Variants in IKZF1 observed in about 807,000 individuals in gnomAD.
IKZF1 encodes the protein DNA-binding protein Ikaros.
IKZF1 carries 10 observed loss-of-function variants against 51.7 expected under a neutral mutation model. That is an observed-to-expected ratio of 0.19 (90% CI 0.12 to 0.33). The LOEUF is 0.33. Ranked by LOEUF, IKZF1 falls within the 10% of genes least tolerant of loss-of-function variation. The probability of loss-of-function intolerance (pLI) is 1.00; values close to 1 mark genes in which losing one functional copy is unlikely to be tolerated. For synonymous variants in IKZF1, 280 were observed against 282.3 expected, an observed-to-expected ratio of 0.99 and a Z score of 0.08; for missense variants, 484 against 707.5, an observed-to-expected ratio of 0.68 and a Z score of 3.58.
intron 6 of IKZF1, among the ~76,000 whole-genome samples, chr7:50,389,885 G>A (rs1159086262): frequency 2.0e-5 from 3 of 152,160 alleles, no homozygotes; most frequent in Non-Finnish European, 4.4e-5. Flanking sequence ...CCTTGTCTGT[G>A]CTCAGATGGA....
Position 50,385,798 on chromosome 7 carries a change from A to AT in IKZF1, c.590-1547_590-1546insT, listed in dbSNP as rs1422309241. Among the ~76,000 whole-genome samples, 11 of 152,344 alleles carry AT rather than the reference A, an allele frequency of 7.2e-5. No homozygotes were observed. In the East Asian group the frequency reaches 2.1e-3, roughly 29 times the overall value. ...AATTTCTAAAAGCAATGCTCAATAAAATGTGCAATTTTAGGCAATATTCTG... is the reference window on the plus strand; with the variant it reads ...AATTTCTAAAAGCAATGCTCAATAAATATGTGCAATTTTAGGCAATATTCTG... On this transcript the variant is annotated intron_variant, in intron 5 of 7. Coordinates refer to ENST00000331340, the MANE Select transcript of IKZF1 (RefSeq NM_006060.6).
In IKZF1 at chr7:50,401,647, C is replaced by A. The variant is rs1818146130; in HGVS notation, c.*1020C>A. 4.5e-6 allele frequency: 1 copy of A among 219,948 alleles called. No homozygotes were observed. The highest frequency in any genetic ancestry group is 1.9e-4 in the South Asian group (1 of 5,400). The allele number at this position is 219,948 out of a possible 1,614,324, so 13.6% of individuals were successfully genotyped here. A position where few individuals can be genotyped will look rare whatever the true frequency, so the allele number is the denominator to read the frequency against. On this transcript the variant is annotated 3_prime_UTR_variant, in exon 8 of 8. Coordinates refer to ENST00000331340, the MANE Select transcript of IKZF1 (RefSeq NM_006060.6). Reference sequence around the variant, plus strand: ...TTCCTGAAGAAATCCAATCCTAGCCCTCATTTTAATTATGTACATCTGTTT... The same window carrying A: ...TTCCTGAAGAAATCCAATCCTAGCCATCATTTTAATTATGTACATCTGTTT...
At chr7:50,355,839 G>A (rs185781305) in intron 3 of IKZF1, among the ~76,000 whole-genome samples, 17 of 152,288 alleles carry the variant, frequency 1.1e-4, no homozygotes, top group Admixed American at 1.0e-3. Flanking sequence ...TGTGAACTCC[G>A]AGGCCACAGT....
chr7:50,399,983 A>G lies in IKZF1; in HGVS notation c.916A>G (p.Met306Val). The change falls in exon 8 of 8, where the codon ATG becomes GTG. Residue 306 changes from methionine (M) to valine (V), a missense_variant. Transcript: ENST00000331340. ...SASYEKENEMMKSHVMDQAIN... is the reference protein window; with the variant it reads ...SASYEKENEMVKSHVMDQAIN... The stretch of plus-strand genomic sequence containing the variant: ...CAGCTACGAGAAGGAGAACGAAATG[A>G]TGAAGTCCCACGTGATGGACCAAGC... 4 of 1,613,548 alleles carry G rather than the reference A, an allele frequency of 2.5e-6. No homozygotes were observed. The highest frequency in any genetic ancestry group is 3.4e-6 in the Non-Finnish European group (4 of 1,179,808).
chr7:50,402,808 A>G lies in IKZF1; in HGVS notation c.*2181A>G, dbSNP rs1482998608. 1 of 230,450 alleles carries G rather than the reference A, an allele frequency of 4.3e-6. No individual in the cohort carries two copies. Among genetic ancestry groups the G allele is most frequent in the Non-Finnish European group, 8.6e-6 (1 of 116,282 alleles). The allele number at this position is 230,450 out of a possible 1,614,324, so 14.3% of individuals were successfully genotyped here. On this transcript the variant is annotated 3_prime_UTR_variant, in exon 8 of 8. Coordinates refer to ENST00000331340, the MANE Select transcript of IKZF1 (RefSeq NM_006060.6). ...GCATTTGGAAACGGGAATAAACAAAATTGCTGCACCAATGCACTGAGTGAA... is the reference window on the plus strand; with the variant it reads ...GCATTTGGAAACGGGAATAAACAAAGTTGCTGCACCAATGCACTGAGTGAA...
chr7:50,390,155 C>T lies in IKZF1; in HGVS notation c.716-1574C>T, dbSNP rs115872748. Among the ~76,000 whole-genome samples the T allele has an allele frequency of 6.5e-3, 983 of 152,286 alleles. 14 individuals are homozygous for T. Among genetic ancestry groups the T allele is most frequent in the African/African-American group, 0.023 (936 of 41,556 alleles). On this transcript the variant is annotated intron_variant, in intron 6 of 7. Coordinates refer to ENST00000331340, the MANE Select transcript of IKZF1 (RefSeq NM_006060.6). ...TCTAATGACAGAGCAGCCTGTGACT[C>T]GCGAGCATCAGGCTCACTTGTTCCT...
chr7:50,311,387 C>G (rs935946333), intron 1 of IKZF1, among the ~76,000 whole-genome samples: 10 of 152,156 alleles, frequency 6.6e-5, no homozygotes, highest in Non-Finnish European at 1.2e-4. Context: ...TGTCTTACCA[C>G]CTGCTAATGG....
intron 3 of IKZF1, among the ~76,000 whole-genome samples, chr7:50,335,363 G>A (rs1797431066): frequency 7.1e-6 from 1 of 141,256 alleles, no homozygotes; most frequent in South Asian, 2.4e-4. Context: ...GTGTGTGTGG[G>A]ATGTGTGGTG....
At chr7:50,354,711 T>G (rs1802789875) in intron 3 of IKZF1, among the ~76,000 whole-genome samples, 1 of 151,966 alleles carries the variant, frequency 6.6e-6, no homozygotes, top group Non-Finnish European at 1.5e-5. Flanking sequence ...TCCCTAGTAT[T>G]GGTGAAGAAT....
intron 7 of IKZF1, among the ~76,000 whole-genome samples, chr7:50,395,180 T>C (rs1365361013): frequency 6.6e-6 from 1 of 152,172 alleles, no homozygotes; most frequent in Non-Finnish European, 1.5e-5. Flanking sequence ...AGTAGAAAAG[T>C]ATCATTCTAA....
intron 3 of IKZF1, among the ~76,000 whole-genome samples, chr7:50,334,909 T>A (rs1797284171): frequency 6.6e-6 from 1 of 150,978 alleles, no homozygotes; most frequent in South Asian, 2.1e-4. Context: ...GTATGGGATG[T>A]GTGGTGTATG....
At chr7:50,377,950 A>G (rs886677844) in intron 4 of IKZF1, among the ~76,000 whole-genome samples, 1 of 152,234 alleles carries the variant, frequency 6.6e-6, no homozygotes, top group African/African-American at 2.4e-5. Context: ...ATCCTATTTT[A>G]AAGGCCTAGC....
chr7:50,363,116 A>G (rs1444972118), intron 3 of IKZF1, among the ~76,000 whole-genome samples: 1 of 152,226 alleles, frequency 6.6e-6, no homozygotes, highest in East Asian at 1.9e-4. Flanking sequence ...ATCAACATGC[A>G]TGGGCTACAT....
chr7:50,353,603 C>A (rs1041459435), intron 3 of IKZF1, among the ~76,000 whole-genome samples: 54 of 152,324 alleles, frequency 3.5e-4, no homozygotes, highest in African/African-American at 1.3e-3. Flanking sequence ...GTCAGAGCTT[C>A]CAGGTGAGCT....
At chr7:50,361,554 G>T (rs949496393) in intron 3 of IKZF1, among the ~76,000 whole-genome samples, 2 of 152,200 alleles carry the variant, frequency 1.3e-5, no homozygotes, top group African/African-American at 4.8e-5. Flanking sequence ...GATCCAGGAA[G>T]ATTGCACATG....
intron 3 of IKZF1, among the ~76,000 whole-genome samples, chr7:50,357,527 C>T (rs1803818524): frequency 6.6e-6 from 1 of 152,226 alleles, no homozygotes; most frequent in African/African-American, 2.4e-5. Context: ...TGCTGCTTCC[C>T]AGTACCCAGG....
intron 3 of IKZF1, among the ~76,000 whole-genome samples, chr7:50,366,422 A>G (rs1806972097): frequency 6.6e-6 from 1 of 152,230 alleles, no homozygotes; most frequent in Non-Finnish European, 1.5e-5. Flanking sequence ...GACAAATTCC[A>G]GACGCATTGC....
chr7:50,367,930 A>G (rs1427852551), intron 3 of IKZF1: 12 of 607,078 alleles, frequency 2.0e-5, no homozygotes. Flanking sequence ...AAAAAAAGTA[A>G]TGCTTTCTGT....
intron 3 of IKZF1, among the ~76,000 whole-genome samples, chr7:50,359,434 A>T (rs1804548119): frequency 1.3e-5 from 2 of 152,206 alleles, no homozygotes; most frequent in African/African-American, 4.8e-5. Flanking sequence ...CAGAGCTGGC[A>T]GGCGGGGGAA....
Sources: allele counts gnomAD v4.1 joint callset (sites outside exome capture counted in the v4.1 genomes callset), GRCh38; gene constraint gnomAD v4.1.1; transcripts MANE v1.5; gene names NCBI Gene and HGNC (gene_info 2026-07-23, HGNC 2026-07-21).